The following CTNNA2 variants were observed in gnomAD, a reference collection of about 807,000 sequenced individuals.
The protein encoded by CTNNA2 is catenin alpha 2, also known as catenin alpha-2.
In CTNNA2, 42 loss-of-function variants were observed where a neutral mutation model predicts 101.0. The ratio of observed to expected loss-of-function variants is 0.42; its 90% CI spans 0.32 to 0.54. CTNNA2 has a LOEUF of 0.54. Ranked by LOEUF, CTNNA2 falls within the 20% of genes least tolerant of loss-of-function variation. CTNNA2 has a pLI of 0.14. For synonymous variants in CTNNA2, 450 were observed against 456.4 expected (o/e 0.99, Z 0.18); for missense variants, 871 against 1,223.1 (o/e 0.71, Z 4.29).
chr2:79,830,820 T>A (rs1009417274), intron 3 of CTNNA2, among the ~76,000 whole-genome samples: 1 of 152,238 alleles, frequency 6.6e-6, no homozygotes, highest in Non-Finnish European at 1.5e-5. Context: ...TCTATTAGCA[T>A]ATACTGACAC....
rs182604119 is a variant in CTNNA2 at position 79,682,900 on chromosome 2, T to C, written c.102+31242T>C. Among the ~76,000 whole-genome samples, 463 of 152,344 alleles carry C rather than the reference T, an allele frequency of 3.0e-3. 7 individuals carry two copies. Among genetic ancestry groups the C allele is most frequent in the Non-Finnish European group, 2.5e-3 (167 of 68,032 alleles). On this transcript the variant is annotated intron_variant, in intron 2 of 18. Coordinates refer to ENST00000402739, the MANE Select transcript of CTNNA2 (RefSeq NM_001282597.3). ...TTCACTAGCAAGAGGAATATTACTTTTCCTACTTGCAAAAATACAAACAAA... is the reference window on the plus strand; with the variant it reads ...TTCACTAGCAAGAGGAATATTACTTCTCCTACTTGCAAAAATACAAACAAA...
intron 2 of CTNNA2, among the ~76,000 whole-genome samples, chr2:79,711,308 C>T (rs746213242): frequency 6.6e-6 from 1 of 152,152 alleles, no homozygotes; most frequent in Non-Finnish European, 1.5e-5. Context: ...GGTGTTGCCT[C>T]ATCTCTTCTG....
At chr2:80,394,037 G>C (rs1677765047) in intron 8 of CTNNA2, among the ~76,000 whole-genome samples, 1 of 152,042 alleles carries the variant, frequency 6.6e-6, no homozygotes, top group Non-Finnish European at 1.5e-5. Flanking sequence ...CTTGATTTCT[G>C]CCCAGGAGGG....
intron 7 of CTNNA2, among the ~76,000 whole-genome samples, chr2:80,230,255 TC>T (rs1558924569): frequency 3.2e-5 from 4 of 126,130 alleles, no homozygotes; most frequent in Admixed American, 2.5e-4. Context: ...TCTTTTTTTT[TC>T]TTTGTTTTTT....
chr2:79,852,059 T>C lies in CTNNA2; in HGVS notation c.299-5954T>C, dbSNP rs1008177515. On this transcript the variant is annotated intron_variant, in intron 3 of 18. Transcript: ENST00000402739. Reference sequence around the variant, plus strand: ...GGCCTTCTCTCATCTTTTCTAAGAATTCTGTAATACAGGGAGAAATATAAA... The same window carrying C: ...GGCCTTCTCTCATCTTTTCTAAGAACTCTGTAATACAGGGAGAAATATAAA... Among the ~76,000 whole-genome samples, 8 of 152,160 alleles carry C rather than the reference T, an allele frequency of 5.3e-5. No individual in the cohort carries two copies. The East Asian group carries it at 9.6e-4, about 18-fold the overall frequency.
intron 7 of CTNNA2, among the ~76,000 whole-genome samples, chr2:80,386,739 A>G (rs998073567): frequency 6.6e-6 from 1 of 152,236 alleles, no homozygotes; most frequent in African/African-American, 2.4e-5. Context: ...CTCCTAAAAC[A>G]TCTAATATAT....
At position 79,346,298 on chromosome 2, in the gene CTNNA2, G is replaced by A. The variant is rs191049080; in HGVS notation, c.-317-27533G>A. ...GAAGAGACAGACTATTATTATTAGT[G>A]TTATTAGTATTATTTTGCTACAAAG... On this transcript the variant is annotated intron_variant, in intron 3 of 21. Transcript: ENST00000466387. Among the ~76,000 whole-genome samples, 458 of 152,178 alleles carry A rather than the reference G, an allele frequency of 3.0e-3. 2 individuals are homozygous for A. Among genetic ancestry groups the A allele is most frequent in the African/African-American group, 0.01 (432 of 41,518 alleles).
intron 7 of CTNNA2, among the ~76,000 whole-genome samples, chr2:80,244,958 C>A (rs2149096647): frequency 6.6e-6 from 1 of 152,310 alleles, no homozygotes; most frequent in South Asian, 2.1e-4. Flanking sequence ...GCCCCAAAAA[C>A]TAGTTTATGT....
At chr2:79,860,021 C>A (rs1681467465) in intron 4 of CTNNA2, among the ~76,000 whole-genome samples, 1 of 152,100 alleles carries the variant, frequency 6.6e-6, no homozygotes. Flanking sequence ...AGTGTAAGAT[C>A]ACTGGAACCA....
intron 9 of CTNNA2, 45 bp from the exon 10 acceptor site, chr2:80,544,937 C>G: frequency 6.5e-7 from 1 of 1,527,970 alleles, no homozygotes; most frequent in Non-Finnish European, 9.0e-7. Context: ...AGTATACTTT[C>G]CCTTTGCCCC....
intron 9 of CTNNA2, among the ~76,000 whole-genome samples, chr2:80,466,422 A>T (rs1684856492): frequency 6.6e-6 from 1 of 152,226 alleles, no homozygotes; most frequent in African/African-American, 2.4e-5. Flanking sequence ...AATGTGCATT[A>T]TGTATGTGTT....
intron 4 of CTNNA2, among the ~76,000 whole-genome samples, chr2:79,451,500 T>C (rs1028002018): frequency 3.3e-5 from 5 of 151,880 alleles, no homozygotes; most frequent in African/African-American, 1.2e-4. Flanking sequence ...GAACATATGG[T>C]CAAGAGGTTA....
chr2:79,420,886 C>T (rs924482188), intron 4 of CTNNA2, among the ~76,000 whole-genome samples: 17 of 152,100 alleles, frequency 1.1e-4, no homozygotes, highest in Non-Finnish European at 2.4e-4. Context: ...GTTCCAGTTT[C>T]AAGTGAAAAT....
At chr2:79,397,347 A>C (rs994658526) in intron 4 of CTNNA2, among the ~76,000 whole-genome samples, 10 of 152,038 alleles carry the variant, frequency 6.6e-5, no homozygotes, top group Non-Finnish European at 1.0e-4. Flanking sequence ...GGTACCCCTT[A>C]ATCACCTTCT....
chr2:80,010,897 A>C (rs999794557), intron 7 of CTNNA2, among the ~76,000 whole-genome samples: 1 of 152,142 alleles, frequency 6.6e-6, no homozygotes. Context: ...AAAATTGAAG[A>C]TCTTCGAAAT....
chr2:79,846,292 T>C (rs533420639), intron 3 of CTNNA2, among the ~76,000 whole-genome samples: 1 of 152,222 alleles, frequency 6.6e-6, no homozygotes, highest in Non-Finnish European at 1.5e-5. Context: ...AAAAGCTAGA[T>C]TGACTTCTTA....
chr2:80,207,818 G>A (rs4852175), intron 7 of CTNNA2, among the ~76,000 whole-genome samples: 59,183 of 151,922 alleles, frequency 0.39, 13,059 homozygotes, highest in Non-Finnish European at 0.51. Context: ...AGGAGAGAAA[G>A]GAAGATAGCA....
chr2:79,968,212 A>AT (rs992726052), intron 7 of CTNNA2, among the ~76,000 whole-genome samples: 2 of 135,706 alleles, frequency 1.5e-5, no homozygotes, highest in African/African-American at 3.2e-5. Context: ...TTTTACTTCA[A>AT]TAAAAAAAAA....
chr2:80,490,270 T>TCCCCC (rs1312707107), intron 9 of CTNNA2, among the ~76,000 whole-genome samples: 1 of 62,642 alleles, frequency 1.6e-5, no homozygotes, highest in African/African-American at 1.1e-4. Context: ...TTTTTTTTCC[T>TCCCCC]TCCCCCCCCA....
Sources: gnomAD v4.1 joint callset for allele counts (sites outside exome capture counted in the v4.1 genomes callset) on GRCh38, gnomAD v4.1.1 for gene constraint, MANE v1.5 for transcripts, NCBI Gene and HGNC (gene_info 2026-07-23, HGNC 2026-07-21) for gene names.